IPO11: variants seen among roughly 807,000 people sequenced by gnomAD.
IPO11 encodes the protein importin-11.
In IPO11, 66 loss-of-function variants were observed where a neutral mutation model predicts 143.2. The ratio of observed to expected loss-of-function variants is 0.46; its 90% CI spans 0.38 to 0.57. IPO11 has a LOEUF of 0.57. IPO11 is among the 20% of genes least tolerant of loss of function. The probability of loss-of-function intolerance (pLI) is 0.00; values close to 1 mark genes in which losing one functional copy is unlikely to be tolerated. For missense variants in IPO11, 1,026 were observed against 1,141.0 expected (o/e 0.90, Z 1.45); for synonymous variants, 385 against 377.8 (o/e 1.02, Z -0.22).
At chr5:62,602,947 G>A (rs1026340224) in intron 29 of IPO11, among the ~76,000 whole-genome samples, 8 of 152,120 alleles carry the variant, frequency 5.3e-5, no homozygotes, top group Non-Finnish European at 1.0e-4. Flanking sequence ...CAGGGTCTTC[G>A]AACTGAAAAA....
At chr5:62,572,535 A>ATGTT (rs1190335567) in intron 27 of IPO11, among the ~76,000 whole-genome samples, 9 of 137,428 alleles carry the variant, frequency 6.5e-5, no homozygotes, top group Non-Finnish European at 1.1e-4. Flanking sequence ...GTGTATATGT[A>ATGTT]TATTTGTTTG....
chr5:62,472,023 T>G (rs1013477615), intron 7 of IPO11, among the ~76,000 whole-genome samples: 1 of 152,244 alleles, frequency 6.6e-6, no homozygotes, highest in Non-Finnish European at 1.5e-5. Context: ...ACATTTCGAT[T>G]GCCATGCTGC....
intron 20 of IPO11, among the ~76,000 whole-genome samples, chr5:62,516,126 A>G (rs548789398): frequency 8.5e-4 from 130 of 152,302 alleles, no homozygotes; most frequent in African/African-American, 2.9e-3. Flanking sequence ...TACTGACTTC[A>G]CCCACAAGTT....
At chr5:62,525,918 T>C (rs1259145227) in intron 20 of IPO11, among the ~76,000 whole-genome samples, 3 of 152,242 alleles carry the variant, frequency 2.0e-5, no homozygotes, top group African/African-American at 4.8e-5. Flanking sequence ...CCTTGACATA[T>C]ATATTTTTTA....
At chr5:62,538,262 A>G (rs1424442308) in intron 24 of IPO11, among the ~76,000 whole-genome samples, 2 of 152,204 alleles carry the variant, frequency 1.3e-5, no homozygotes, top group African/African-American at 2.4e-5. Context: ...AACTGCAGCA[A>G]GAATCCAAAG....
At chr5:62,583,273 A>C (rs1283923294) in intron 27 of IPO11, among the ~76,000 whole-genome samples, 1 of 152,216 alleles carries the variant, frequency 6.6e-6, no homozygotes, top group Non-Finnish European at 1.5e-5. Context: ...GCAGAAATAC[A>C]TAAGGTAGGC....
chr5:62,627,073 T>G, intron 29 of IPO11, 81 bp from the exon 30 acceptor site: 1 of 1,284,294 alleles, frequency 7.8e-7, no homozygotes, highest in East Asian at 2.4e-5. Context: ...TAGAAGAGAT[T>G]ACAAAGAACT....
chr5:62,501,334 T>C (rs910307115), intron 16 of IPO11, among the ~76,000 whole-genome samples: 1 of 152,372 alleles, frequency 6.6e-6, no homozygotes, highest in East Asian at 1.9e-4. Flanking sequence ...AATTCAATTA[T>C]ACTCATCAAA....
chr5:62,611,746 A>G (rs1370224997), intron 29 of IPO11, among the ~76,000 whole-genome samples: 5 of 152,200 alleles, frequency 3.3e-5, no homozygotes, highest in Admixed American at 1.3e-4. Context: ...ATGTGGTCTC[A>G]TTTGGGAGAA....
intron 6 of IPO11, 109 bp from the exon 7 acceptor site, chr5:62,470,141 C>A: frequency 9.8e-7 from 1 of 1,021,188 alleles, no homozygotes; most frequent in Admixed American, 2.0e-5. Flanking sequence ...CTTTCCAACC[C>A]AGATTAACCT....
intron 26 of IPO11, among the ~76,000 whole-genome samples, chr5:62,558,661 A>G (rs890642953): frequency 3.3e-5 from 5 of 152,208 alleles, no homozygotes; most frequent in African/African-American, 1.2e-4. Context: ...TGTTTGAAAT[A>G]AAAAACGCAG....
At chr5:62,443,115 T>C (rs373520284) in intron 3 of IPO11, 32 bp downstream of exon 3, 1 of 1,365,228 alleles carries the variant, frequency 7.3e-7, no homozygotes, top group African/African-American at 1.5e-5. Context: ...ATTCCTTGAG[T>C]ATAATCCTTC....
In IPO11 at chr5:62,532,408, A is replaced by T. The variant is rs556525351; in HGVS notation, c.2089+1623A>T. Among the ~76,000 whole-genome samples, 4 of 152,136 alleles carry T rather than the reference A, an allele frequency of 2.6e-5. No homozygotes were observed. In the East Asian group the frequency reaches 7.7e-4, roughly 29 times the overall value. ...AGTCTTGCTCTGTCACCCAGGCTGG[A>T]GTGCAGTGGCTCAATCTCAGCTCAG... On this transcript the variant is annotated intron_variant, in intron 22 of 29. Transcript: ENST00000325324.
At chr5:62,546,369 G>A (rs148146158) in intron 24 of IPO11, among the ~76,000 whole-genome samples, 2,975 of 152,212 alleles carry the variant, frequency 0.02, 93 homozygotes, top group African/African-American at 0.066. Flanking sequence ...AACACCACAT[G>A]TTCTCACTCA....
Position 62,570,492 on chromosome 5 carries a change from C to G in IPO11, c.2582+9235C>G, listed in dbSNP as rs116456309. Among the ~76,000 whole-genome samples the G allele has an allele frequency of 4.4e-3, 673 of 152,294 alleles. 7 individuals carry two copies. The highest frequency in any genetic ancestry group is 0.016 in the African/African-American group (649 of 41,564). ...CTCTTCTGATATCAACCTTATGACACTAATACAATAGCATTGTTTTAAAGA... is the reference window on the plus strand; with the variant it reads ...CTCTTCTGATATCAACCTTATGACAGTAATACAATAGCATTGTTTTAAAGA... On this transcript the variant is annotated intron_variant, in intron 27 of 29. Transcript: ENST00000325324.
chr5:62,571,750 A>G (rs894496834), intron 27 of IPO11, among the ~76,000 whole-genome samples: 1 of 151,510 alleles, frequency 6.6e-6, no homozygotes, highest in Non-Finnish European at 1.5e-5. Flanking sequence ...CAGTGGCACA[A>G]TCTCAGCTCA....
intron 27 of IPO11, chr5:62,581,372 T>TA: frequency 8.9e-7 from 1 of 1,123,370 alleles, no homozygotes; most frequent in South Asian, 1.8e-5. Context: ...GAAACCTCCT[T>TA]ATATAATTAT....
intron 27 of IPO11, among the ~76,000 whole-genome samples, chr5:62,573,246 T>C (rs1379525900): frequency 6.6e-6 from 1 of 152,188 alleles, no homozygotes; most frequent in Non-Finnish European, 1.5e-5. Flanking sequence ...AGGGTAATCA[T>C]AGTACCCTAC....
intron 27 of IPO11, among the ~76,000 whole-genome samples, chr5:62,584,961 G>A (rs1267521776): frequency 6.6e-6 from 1 of 152,138 alleles, no homozygotes; most frequent in South Asian, 2.1e-4. Flanking sequence ...AAGATACCTT[G>A]TGATAGAGGA....
Sources: allele counts gnomAD v4.1 joint callset (sites outside exome capture counted in the v4.1 genomes callset), GRCh38; gene constraint gnomAD v4.1.1; transcripts MANE v1.5; gene names NCBI Gene and HGNC (gene_info 2026-07-23, HGNC 2026-07-21).